ZNF439: variants seen among roughly 807,000 people sequenced by gnomAD.
ZNF439 encodes zinc finger protein 439.
In ZNF439, 40 loss-of-function variants were observed where a neutral mutation model predicts 47.3. The ratio of observed to expected loss-of-function variants is 0.85; its 90% CI spans 0.66 to 1.10. The LOEUF is 1.10. ZNF439 is among the 50% of genes least tolerant of loss of function. The pLI is 0.00. For synonymous variants in ZNF439, 171 were observed against 198.8 expected, an observed-to-expected ratio of 0.86 and a Z score of 1.18; for missense variants, 556 against 601.1, an observed-to-expected ratio of 0.93 and a Z score of 0.78.
chr19:11,852,986 G>A (rs1307299803), intron 1 of ZNF439, among the ~76,000 whole-genome samples: 2 of 152,094 alleles, frequency 1.3e-5, no homozygotes, highest in Admixed American at 1.3e-4. Context: ...GTGGTGTGCA[G>A]TGGTGCAATC....
At chr19:11,866,884 G>A (rs1976699833) in intron 3 of ZNF439, among the ~76,000 whole-genome samples, 1 of 152,042 alleles carries the variant, frequency 6.6e-6, no homozygotes, top group Non-Finnish European at 1.5e-5. Flanking sequence ...AAAATTAGCT[G>A]GGCATTGTGG....
chr19:11,864,174 T>C (rs1017962888), intron 1 of ZNF439, among the ~76,000 whole-genome samples: 1 of 152,194 alleles, frequency 6.6e-6, no homozygotes, highest in Admixed American at 6.6e-5. Flanking sequence ...CAGACTTTGG[T>C]AATGACCTTG....
intron 1 of ZNF439, chr19:11,849,204 C>T: frequency 3.8e-6 from 4 of 1,064,362 alleles, no homozygotes; most frequent in Non-Finnish European, 4.6e-6. Context: ...GCGGGGGCCA[C>T]GGGAGGGTCA....
chr19:11,862,732 G>T (rs1976571408), intron 1 of ZNF439, among the ~76,000 whole-genome samples: 1 of 151,364 alleles, frequency 6.6e-6, no homozygotes, highest in Admixed American at 6.6e-5. Context: ...TTACCTCATT[G>T]TTGTTTTCTG....
At chr19:11,858,416 A>C (rs914742868) in intron 1 of ZNF439, 1 of 151,082 alleles carries the variant, frequency 6.6e-6, no homozygotes, top group Admixed American at 6.6e-5. Flanking sequence ...CAGTGAGCCG[A>C]GATCGCACCA....
At chr19:11,863,761 A>C (rs555806299) in intron 1 of ZNF439, among the ~76,000 whole-genome samples, 1 of 152,222 alleles carries the variant, frequency 6.6e-6, no homozygotes, top group East Asian at 1.9e-4. Flanking sequence ...TGAGTTTTGC[A>C]TTTTCCATTT....
At chr19:11,854,061 G>T (rs1976320299) in intron 1 of ZNF439, among the ~76,000 whole-genome samples, 1 of 152,184 alleles carries the variant, frequency 6.6e-6, no homozygotes, top group African/African-American at 2.4e-5. Context: ...AATATGAGTG[G>T]CATTAAGATG....
intron 1 of ZNF439, among the ~76,000 whole-genome samples, chr19:11,859,518 C>T (rs999061077): frequency 5.3e-5 from 8 of 152,118 alleles, no homozygotes; most frequent in African/African-American, 1.7e-4. Flanking sequence ...GGGTATAAGG[C>T]GCATAGCACC....
chr19:11,857,063 C>T (rs1171950954), intron 1 of ZNF439: 1 of 152,186 alleles, frequency 6.6e-6, no homozygotes, highest in Non-Finnish European at 1.5e-5. Context: ...GAGCGTTGAG[C>T]TGAAAGTCCA....
chr19:11,864,771 A>G (rs532913738), intron 1 of ZNF439, among the ~76,000 whole-genome samples: 3 of 151,354 alleles, frequency 2.0e-5, no homozygotes, highest in Non-Finnish European at 2.9e-5. Context: ...ATGTCGTAGT[A>G]TGGGCCAAGA....
At position 11,855,139 on chromosome 19, in the gene ZNF439, C is replaced by T. The variant is rs565916271; in HGVS notation, c.63+6209C>T. Among the ~76,000 whole-genome samples, 13 of 152,272 alleles carry T rather than the reference C, an allele frequency of 8.5e-5. No homozygotes were observed. In the South Asian group the frequency reaches 2.1e-3, roughly 24 times the overall value. ...TGGGCAGCAGACTGGGATTGGATCC[C>T]GGTGTGGTATAAAGAAGAAGTATTA... On this transcript the variant is annotated intron_variant, in intron 1 of 3. Transcript: ENST00000682736.
chr19:11,848,915 T>G lies in ZNF439; in HGVS notation c.48T>G (p.Ser16=), dbSNP rs1976147579. 4 of 1,573,346 alleles carry G rather than the reference T, an allele frequency of 2.5e-6. No homozygotes were observed. Among genetic ancestry groups the G allele is most frequent in the Non-Finnish European group, 3.5e-6 (4 of 1,154,642 alleles). ...GCTGTAGAGAGGACCCCGGTACATC[T>G]GAAAGCCGGGAAATGGTGCGTGTGC... ...HRSCREDPGT[S]ESREMDPVAF... The change falls in exon 1 of 4, where the codon TCT becomes TCG. Residue 16 remains serine, a synonymous_variant. Coordinates refer to ENST00000682736, the MANE Select transcript of ZNF439 (RefSeq NM_001348719.2).
intron 1 of ZNF439, among the ~76,000 whole-genome samples, chr19:11,851,841 T>A (rs1599309707): frequency 6.6e-6 from 1 of 151,870 alleles, no homozygotes; most frequent in African/African-American, 2.4e-5. Context: ...GGAGGTGGGG[T>A]CTCGATACAT....
intron 1 of ZNF439, among the ~76,000 whole-genome samples, chr19:11,855,767 A>T (rs1404337287): frequency 6.6e-6 from 1 of 152,216 alleles, no homozygotes; most frequent in Non-Finnish European, 1.5e-5. Flanking sequence ...ACATGGCATC[A>T]GGGGTTTTTG....
intron 1 of ZNF439, among the ~76,000 whole-genome samples, chr19:11,854,721 G>A (rs1001297620): frequency 4.6e-5 from 7 of 151,764 alleles, no homozygotes; most frequent in Non-Finnish European, 1.0e-4. Flanking sequence ...TCGTGCCACC[G>A]CACTCAAGCT....
intron 1 of ZNF439, among the ~76,000 whole-genome samples, chr19:11,861,274 T>C (rs1217050130): frequency 6.6e-6 from 1 of 152,232 alleles, no homozygotes; most frequent in Non-Finnish European, 1.5e-5. Context: ...ACAGACACCT[T>C]ATCAGGATGT....
intron 1 of ZNF439, among the ~76,000 whole-genome samples, chr19:11,860,458 G>A (rs1039745175): frequency 3.3e-5 from 5 of 151,954 alleles, no homozygotes; most frequent in Admixed American, 1.3e-4. Flanking sequence ...ATCAGCTGCC[G>A]GCAGATATCC....
chr19:11,866,799 T>C (rs1394442374), intron 3 of ZNF439, among the ~76,000 whole-genome samples: 2 of 152,240 alleles, frequency 1.3e-5, no homozygotes, highest in African/African-American at 2.4e-5. Context: ...GACATGGAGA[T>C]AGGAGGATAG....
chr19:11,865,776 C>T (rs1211747716), intron 1 of ZNF439, among the ~76,000 whole-genome samples: 1 of 145,136 alleles, frequency 6.9e-6, no homozygotes, highest in African/African-American at 2.6e-5. Flanking sequence ...GCCTGTAATC[C>T]TAGCACTTTG....
Sources: allele counts gnomAD v4.1 joint callset (sites outside exome capture counted in the v4.1 genomes callset), GRCh38; gene constraint gnomAD v4.1.1; transcripts MANE v1.5; gene names NCBI Gene and HGNC (gene_info 2026-07-23, HGNC 2026-07-21).